The following RABGAP1L variants were observed in gnomAD, a reference collection of about 807,000 sequenced individuals.
RABGAP1L encodes the protein RAB GTPase activating protein 1 like.
In RABGAP1L, 63 loss-of-function variants were observed where a neutral mutation model predicts 137.7. That is an observed-to-expected ratio of 0.46 (90% confidence interval 0.37 to 0.56). RABGAP1L has a LOEUF of 0.56. Among genes scored for constraint, RABGAP1L ranks in the 20% least tolerant of loss-of-function variants. RABGAP1L has a pLI of 0.00. For missense variants in RABGAP1L, 1,095 were observed against 1,244.0 expected, an observed-to-expected ratio of 0.88 and a Z score of 1.80; for synonymous variants, 431 against 433.7, an observed-to-expected ratio of 0.99 and a Z score of 0.08.
At chr1:174,850,343 T>G (rs1648080297) in intron 19 of RABGAP1L, among the ~76,000 whole-genome samples, 1 of 152,246 alleles carries the variant, frequency 6.6e-6, no homozygotes, top group Non-Finnish European at 1.5e-5. Flanking sequence ...ACATATGCTT[T>G]AATAAATGTG....
chr1:174,644,883 C>T (rs1323480751), intron 14 of RABGAP1L, among the ~76,000 whole-genome samples: 3 of 152,092 alleles, frequency 2.0e-5, no homozygotes, highest in African/African-American at 7.2e-5. Flanking sequence ...TTGCCCTACT[C>T]CTCCTTCCCA....
intron 17 of RABGAP1L, among the ~76,000 whole-genome samples, chr1:174,728,323 A>G (rs1682166216): frequency 4.6e-5 from 7 of 152,210 alleles, no homozygotes. Flanking sequence ...ATTTGTATAC[A>G]CCAGTAATGT....
At chr1:174,432,124 C>CT (rs1159857989) in intron 13 of RABGAP1L, among the ~76,000 whole-genome samples, 2 of 152,268 alleles carry the variant, frequency 1.3e-5, no homozygotes, top group Non-Finnish European at 2.9e-5. Context: ...CTTCCTAACT[C>CT]TATTAGTTCC....
intron 14 of RABGAP1L, among the ~76,000 whole-genome samples, chr1:174,639,345 G>A (rs1364546836): frequency 1.3e-5 from 2 of 152,120 alleles, no homozygotes; most frequent in Non-Finnish European, 2.9e-5. Flanking sequence ...ACTTTGAAAA[G>A]TACCAAAGAC....
intron 18 of RABGAP1L, chr1:174,800,573 A>T (rs539184910): frequency 6.6e-7 from 1 of 1,503,766 alleles, no homozygotes; most frequent in Non-Finnish European, 8.9e-7. Context: ...TGTATCTCTG[A>T]AAGAGGCTTG....
chr1:174,986,257 A>G (rs1199487191), intron 24 of RABGAP1L, among the ~76,000 whole-genome samples: 1 of 151,996 alleles, frequency 6.6e-6, no homozygotes, highest in East Asian at 1.9e-4. Flanking sequence ...CACAAAACCA[A>G]TCCTTTCAAC....
intron 14 of RABGAP1L, among the ~76,000 whole-genome samples, chr1:174,661,282 T>C (rs950134929): frequency 6.6e-6 from 1 of 152,194 alleles, no homozygotes; most frequent in African/African-American, 2.4e-5. Context: ...GGAAAATACA[T>C]GCTGAGTTTG....
At chr1:174,710,349 A>G (rs150244302) in intron 17 of RABGAP1L, among the ~76,000 whole-genome samples, 1 of 152,336 alleles carries the variant, frequency 6.6e-6, no homozygotes, top group African/African-American at 2.4e-5. Flanking sequence ...GAACCCCACA[A>G]AGAACAACCA....
At chr1:174,795,950 G>A (rs1314074677) in intron 18 of RABGAP1L, among the ~76,000 whole-genome samples, 1 of 152,164 alleles carries the variant, frequency 6.6e-6, no homozygotes, top group Admixed American at 6.5e-5. Flanking sequence ...TACTACATGT[G>A]TTAATAAAGT....
Position 174,791,515 on chromosome 1 carries a change from G to T in RABGAP1L, c.2212-20317G>T, listed in dbSNP as rs571968037. ...ACACACATAAAGATAAAAAAATGCT[G>T]GTCTAGCTTGAGAGGATCAGGGAAT... is the stretch of plus-strand genomic sequence containing the variant. On this transcript the variant is annotated intron_variant, in intron 18 of 25. Transcript: ENST00000681986. 3.9e-5 allele frequency among the ~76,000 whole-genome samples: 6 copies of T among 152,270 alleles called. No homozygotes were observed. In the South Asian group the frequency reaches 1.2e-3, roughly 32 times the overall value.
At chr1:174,254,575 A>G (rs555821130) in intron 7 of RABGAP1L, among the ~76,000 whole-genome samples, 4 of 152,306 alleles carry the variant, frequency 2.6e-5, no homozygotes, top group African/African-American at 9.6e-5. Context: ...CTTATGAGTG[A>G]GAACATGCAG....
chr1:174,638,460 T>C (rs1288234584), intron 14 of RABGAP1L, among the ~76,000 whole-genome samples: 5 of 151,940 alleles, frequency 3.3e-5, no homozygotes, highest in East Asian at 1.9e-4. Flanking sequence ...AGTTCAACCA[T>C]TGTGGAAGTC....
chr1:174,177,662 G>A (rs1243974344), intron 1 of RABGAP1L, among the ~76,000 whole-genome samples: 1 of 152,148 alleles, frequency 6.6e-6, no homozygotes, highest in Non-Finnish European at 1.5e-5. Flanking sequence ...TTTGTATAAG[G>A]TGTAAGGAAG....
intron 17 of RABGAP1L, among the ~76,000 whole-genome samples, chr1:174,737,376 A>G (rs1244999993): frequency 1.3e-5 from 2 of 152,124 alleles, no homozygotes; most frequent in African/African-American, 4.8e-5. Context: ...TTTGGTAGGG[A>G]ATAACAAGGG....
intron 13 of RABGAP1L, among the ~76,000 whole-genome samples, chr1:174,619,504 A>G (rs1672239763): frequency 6.6e-6 from 1 of 152,196 alleles, no homozygotes; most frequent in Non-Finnish European, 1.5e-5. Context: ...TAAAGAAAAG[A>G]ATTTTCAGCC....
chr1:174,418,955 T>C (rs1650931693), intron 13 of RABGAP1L, among the ~76,000 whole-genome samples: 1 of 152,050 alleles, frequency 6.6e-6, no homozygotes. Flanking sequence ...GGAGAATCGC[T>C]TGAACCTAGG....
At chr1:174,560,380 A>G (rs1362491417) in intron 13 of RABGAP1L, among the ~76,000 whole-genome samples, 3 of 152,096 alleles carry the variant, frequency 2.0e-5, no homozygotes, top group Non-Finnish European at 4.4e-5. Context: ...TGGGTGCCCC[A>G]TCCTATGAGT....
At chr1:174,222,701 C>T (rs909719614) in intron 3 of RABGAP1L, among the ~76,000 whole-genome samples, 3 of 152,066 alleles carry the variant, frequency 2.0e-5, no homozygotes, top group Middle Eastern at 3.2e-3. Flanking sequence ...TAGCTATCAC[C>T]ATAGCTCTTT....
intron 13 of RABGAP1L, among the ~76,000 whole-genome samples, chr1:174,574,752 A>AT (rs1668242397): frequency 1.3e-5 from 2 of 152,276 alleles, no homozygotes; most frequent in South Asian, 4.1e-4. Context: ...CTGATTGGCC[A>AT]TTTAATTTTG....
Sources: allele counts gnomAD v4.1 joint callset (sites outside exome capture counted in the v4.1 genomes callset), GRCh38; gene constraint gnomAD v4.1.1; transcripts MANE v1.5; gene names NCBI Gene and HGNC (gene_info 2026-07-23, HGNC 2026-07-21).